Variants in TNS1 observed in about 807,000 individuals in gnomAD.
The protein encoded by TNS1 is tensin 1, also known as tensin-1.
In TNS1, 62 loss-of-function variants were observed where a neutral mutation model predicts 168.6. That is an observed-to-expected ratio of 0.37 (90% CI 0.30 to 0.45). The LOEUF is 0.45. Ranked by LOEUF, TNS1 falls within the 20% of genes least tolerant of loss-of-function variation. The pLI, the probability that TNS1 is intolerant of heterozygous loss-of-function variation, is 1.00. For missense variants in TNS1, 2,240 were observed against 2,339.4 expected (o/e 0.96, Z 0.88); for synonymous variants, 934 against 933.2 (o/e 1.00, Z -0.02).
chr2:218,014,101 C>T (rs1351609220), upstream of TNS1, among the ~76,000 whole-genome samples: 2 of 152,248 alleles, frequency 1.3e-5, no homozygotes, highest in African/African-American at 4.8e-5. Flanking sequence ...GTCACAGGCC[C>T]TCAGGCCCAC....
rs146423363 is a variant in TNS1, at chr2:217,848,710, G to T, written c.1807C>A (p.Arg603Ser). The T allele has an allele frequency of 1.6e-5, 26 of 1,614,084 alleles. No homozygotes were observed. Among genetic ancestry groups the T allele is most frequent in the Non-Finnish European group, 2.1e-5 (25 of 1,180,036 alleles). Residue 603 changes from arginine (R) to serine (S), a missense_variant, in exon 19 of 33, where the codon CGC (arginine) becomes AGC (serine). Coordinates refer to ENST00000682258, the MANE Select transcript of TNS1 (RefSeq NM_001387777.1). ...TGAACCTGGGCTGGGACAACGTGGC[G>T]TCCAGAGGAGGGCACAGCCGAGCCC... Reference protein sequence around the residue: ...AGGSAVPSSGRHVVPAQVHVN... With the variant: ...AGGSAVPSSGSHVVPAQVHVN...
intron 1 of TNS1, among the ~76,000 whole-genome samples, chr2:217,999,008 C>T (rs961999852): frequency 1.3e-5 from 2 of 152,146 alleles, no homozygotes; most frequent in Non-Finnish European, 2.9e-5. Context: ...TGGAAAGCTG[C>T]GTGGGGGGTG....
intron 21 of TNS1, 140 bp downstream of exon 21, chr2:217,834,951 G>A (rs1944957617): frequency 1.6e-6 from 1 of 621,250 alleles, no homozygotes; most frequent in Admixed American, 3.7e-5. Context: ...AGGGGCCATG[G>A]GAGTGAGGAG....
intron 2 of TNS1, among the ~76,000 whole-genome samples, chr2:217,988,400 G>A (rs187507958): frequency 1.1e-4 from 17 of 152,202 alleles, no homozygotes; most frequent in South Asian, 6.2e-4. Context: ...ACCGGAGACT[G>A]CAGCCAGAGA....
chr2:217,884,842 C>T (rs1288731764), intron 16 of TNS1, among the ~76,000 whole-genome samples, 193 bp downstream of exon 16: 1 of 152,196 alleles, frequency 6.6e-6, no homozygotes, highest in Non-Finnish European at 1.5e-5. Flanking sequence ...CTTCTACTAA[C>T]AACTGGAATT....
chr2:217,978,794 A>G lies in TNS1; in HGVS notation c.157T>C (p.Phe53Leu). The change falls in exon 3 of 33, where the codon TTC (phenylalanine) becomes CTC (leucine). Residue 53 changes from phenylalanine to leucine, a missense_variant. Physicochemically the swap from Phe to Leu is conservative, Grantham distance 22. This residue lies in a region of TNS1 where 2,131 missense variants were observed against 2,171.2 expected (regional missense o/e 0.98). Transcript: ENST00000682258. Reference sequence around the variant, plus strand: ...GCCTGGCATTTCCGATGACAGGAGAAGCTGCAGACTGCAAGAGGGCGAGAC... The same window carrying G: ...GCCTGGCATTTCCGATGACAGGAGAGGCTGCAGACTGCAAGAGGGCGAGAC... Reference protein sequence around the residue: ...QEGCTCKVCSFSCHRKCQAKV... With the variant: ...QEGCTCKVCSLSCHRKCQAKV... 4.3e-6 allele frequency: 3 copies of G among 702,198 alleles called. No homozygotes were observed. Among genetic ancestry groups the G allele is most frequent in the Non-Finnish European group, 7.8e-6 (3 of 384,506 alleles). The allele number at this position is 702,198 out of a possible 1,614,324, so 43.5% of individuals were successfully genotyped here. A position where few individuals can be genotyped will look rare whatever the true frequency, so the allele number is the denominator to read the frequency against.
intron 9 of TNS1, among the ~76,000 whole-genome samples, chr2:217,894,522 T>A (rs184255367): frequency 6.6e-6 from 1 of 152,006 alleles, no homozygotes; most frequent in Non-Finnish European, 1.5e-5. Context: ...CCAGGCATGG[T>A]AGCACGTGCC....
chr2:217,874,400 T>A (rs1227049011), intron 18 of TNS1, among the ~76,000 whole-genome samples: 1 of 152,230 alleles, frequency 6.6e-6, no homozygotes, highest in Non-Finnish European at 1.5e-5. Flanking sequence ...CTCAAGGTCA[T>A]CATCAGCATC....
Position 217,920,211 on chromosome 2 carries a change from G to C in TNS1, c.212C>G (p.Ser71Cys). 1 of 703,052 alleles carries C rather than the reference G, an allele frequency of 1.4e-6. No individual in the cohort carries two copies. The highest frequency in any genetic ancestry group is 2.6e-6 in the Non-Finnish European group (1 of 385,006). 43.6% of individuals were successfully genotyped at this position (703,052 alleles called of 1,614,324 possible). The change falls in exon 4 of 33, where the codon TCC becomes TGC. Residue 71 changes from serine (S) to cysteine (C), a missense_variant. This residue lies in a region of TNS1 where 2,131 missense variants were observed against 2,171.2 expected (regional missense o/e 0.98). Coordinates refer to ENST00000682258, the MANE Select transcript of TNS1 (RefSeq NM_001387777.1). ...GTCACTCACCACCAGCTCATGGTTGGATGGAGGAACGCAGGGGGCAGCCAC... is the reference window on the plus strand; with the variant it reads ...GTCACTCACCACCAGCTCATGGTTGCATGGAGGAACGCAGGGGGCAGCCAC... ...AKVAAPCVPP[S>C]NHELVPITTE...
At chr2:217,988,364 AC>A (rs1351532077) in intron 2 of TNS1, among the ~76,000 whole-genome samples, 1 of 152,188 alleles carries the variant, frequency 6.6e-6, no homozygotes, top group Non-Finnish European at 1.5e-5. Flanking sequence ...CAGCTGGGGA[AC>A]CTAGAGCCAT....
intron 18 of TNS1, among the ~76,000 whole-genome samples, chr2:217,867,629 T>C (rs1451368743): frequency 6.6e-6 from 1 of 152,208 alleles, no homozygotes; most frequent in African/African-American, 2.4e-5. Context: ...AGACCCCAGG[T>C]GATCTACTCC....
chr2:217,847,238 A>G (rs908707379), intron 19 of TNS1, among the ~76,000 whole-genome samples: 1 of 152,168 alleles, frequency 6.6e-6, no homozygotes, highest in Non-Finnish European at 1.5e-5. Flanking sequence ...CTCTAATGAA[A>G]TCATCTGTCT....
Position 217,893,535 on chromosome 2 carries a change from G to A in TNS1, c.621C>T (p.Leu207=), listed in dbSNP as rs1422942388. 6.2e-7 allele frequency: 1 copy of A among 1,612,834 alleles called. No individual in the cohort carries two copies. Residue 207 remains leucine, a synonymous_variant, in exon 10 of 33, where the codon CTC becomes CTT. Coordinates refer to ENST00000682258, the MANE Select transcript of TNS1 (RefSeq NM_001387777.1). The part of the protein sequence containing the change: ...AKVLEFGWPD[L]HTPALEKICS... ...AGATCTTCTCCAGGGCTGGGGTGTG[G>A]AGGTCGGGCCAGCCAAATTCCAGTA...
chr2:217,975,744 G>A (rs187170604), intron 3 of TNS1, among the ~76,000 whole-genome samples: 6 of 152,250 alleles, frequency 3.9e-5, no homozygotes, highest in African/African-American at 7.2e-5. Flanking sequence ...CCCAAAATCC[G>A]ATGGCTCAGC....
At chr2:217,970,012 A>T (rs1010546946) in intron 3 of TNS1, among the ~76,000 whole-genome samples, 6 of 152,016 alleles carry the variant, frequency 3.9e-5, no homozygotes, top group South Asian at 4.1e-4. Context: ...AAAAAAAAAA[A>T]TTTGTACACA....
At chr2:218,029,514 G>A (rs1958876104) in intron 1 of TNS1, among the ~76,000 whole-genome samples, 1 of 152,256 alleles carries the variant, frequency 6.6e-6, no homozygotes, top group African/African-American at 2.4e-5. Flanking sequence ...TCGAACGCCT[G>A]TCAATAGCAG....
intron 1 of TNS1, among the ~76,000 whole-genome samples, chr2:218,022,471 C>T (rs1006963271): frequency 2.6e-5 from 4 of 152,130 alleles, no homozygotes; most frequent in Admixed American, 2.6e-4. Flanking sequence ...CAAGCTGGGA[C>T]GTGGACACGC....
At chr2:217,852,866 G>A (rs1286590224) in intron 18 of TNS1, among the ~76,000 whole-genome samples, 1 of 152,114 alleles carries the variant, frequency 6.6e-6, no homozygotes, top group African/African-American at 2.4e-5. Context: ...ATGTCTCTTG[G>A]CCCCAGATTG....
At position 217,929,505 on chromosome 2, in the gene TNS1, G is replaced by C. The variant is rs138824465; in HGVS notation, c.187-9269C>G. ...GGTCCCCGCAATAGCCAGGACAAAAGGCCGGGACAGGCAAGGCCACAGGGA... is the reference window on the plus strand; with the variant it reads ...GGTCCCCGCAATAGCCAGGACAAAACGCCGGGACAGGCAAGGCCACAGGGA... On this transcript the variant is annotated intron_variant, in intron 3 of 32. Coordinates refer to ENST00000682258, the MANE Select transcript of TNS1 (RefSeq NM_001387777.1). Among the ~76,000 whole-genome samples, 1,402 of 152,234 alleles carry C rather than the reference G, an allele frequency of 9.2e-3. 21 individuals carry two copies. Among genetic ancestry groups the C allele is most frequent in the African/African-American group, 0.032 (1,345 of 41,516 alleles).
Sources: allele counts gnomAD v4.1 joint callset (sites outside exome capture counted in the v4.1 genomes callset), GRCh38; gene constraint gnomAD v4.1.1; regional missense constraint gnomAD v4.1.1; transcripts MANE v1.5; gene names NCBI Gene and HGNC (gene_info 2026-07-23, HGNC 2026-07-21).